Variants in PCOLCE2 observed in about 807,000 individuals in gnomAD.
PCOLCE2 encodes procollagen C-proteinase enhancer 2.
A neutral mutation model predicts 47.0 loss-of-function variants in PCOLCE2; 42 were observed. That is an observed-to-expected ratio of 0.89 (90% CI 0.70 to 1.16). PCOLCE2 has a LOEUF of 1.16. Among genes scored for constraint, PCOLCE2 ranks in the 50% most tolerant of loss-of-function variants. PCOLCE2 has a pLI of 0.00. For missense variants in PCOLCE2, 500 were observed against 526.1 expected (o/e 0.95, Z 0.49); for synonymous variants, 169 against 191.7 (o/e 0.88, Z 0.98).
intron 3 of PCOLCE2, among the ~76,000 whole-genome samples, chr3:142,847,958 G>A (rs1379426731): frequency 5.3e-5 from 8 of 152,244 alleles, no homozygotes; most frequent in Non-Finnish European, 1.2e-4. Context: ...TGGTGAAGGG[G>A]TGTGTTTGCA....
intron 2 of PCOLCE2, chr3:142,864,312 C>T (rs1169634372): frequency 6.6e-6 from 1 of 152,124 alleles, no homozygotes; most frequent in Admixed American, 6.5e-5. Context: ...TTTTTCAATT[C>T]AAGGAGAAGC....
intron 2 of PCOLCE2, among the ~76,000 whole-genome samples, chr3:142,878,184 TG>T (rs1002480461): frequency 3.3e-5 from 5 of 152,182 alleles, no homozygotes; most frequent in Middle Eastern, 3.4e-3. Context: ...AGGAGCAGCT[TG>T]GGGGTGAGGT....
chr3:142,876,892 A>G (rs1933506826), intron 2 of PCOLCE2, among the ~76,000 whole-genome samples: 1 of 152,212 alleles, frequency 6.6e-6, no homozygotes, highest in Non-Finnish European at 1.5e-5. Context: ...AGAAAAAGGC[A>G]TGAATACCAG....
At position 142,823,480 on chromosome 3, in the gene PCOLCE2, T is replaced by C. The variant is rs531251987; in HGVS notation, c.949+52A>G. On this transcript the variant is annotated intron_variant, in intron 7 of 8. Transcript: ENST00000295992. ...ATAGGAATTCCTTTGAGATTAAGCATGCAGCCTCAAGTTTCTGGTTAAAGA... is the reference window on the plus strand; with the variant it reads ...ATAGGAATTCCTTTGAGATTAAGCACGCAGCCTCAAGTTTCTGGTTAAAGA... 2.7e-5 allele frequency: 28 copies of C among 1,044,846 alleles called. No individual in the cohort carries two copies. The South Asian group carries it at 3.3e-4, about 12-fold the overall frequency. 64.7% of individuals were successfully genotyped at this position (1,044,846 alleles called of 1,614,324 possible). A position where few individuals can be genotyped will look rare whatever the true frequency, so the allele number is the denominator to read the frequency against.
At chr3:142,822,389 A>G (rs758633822) in intron 7 of PCOLCE2, among the ~76,000 whole-genome samples, 6 of 152,102 alleles carry the variant, frequency 3.9e-5, no homozygotes, top group Non-Finnish European at 5.9e-5. Flanking sequence ...TTTGCCATGT[A>G]AGCGGTCACA....
chr3:142,846,260 G>A (rs914449088), intron 3 of PCOLCE2, among the ~76,000 whole-genome samples: 11 of 152,096 alleles, frequency 7.2e-5, no homozygotes, highest in Admixed American at 3.3e-4. Flanking sequence ...GGGCAGTGGC[G>A]CAATCTCGGC....
chr3:142,837,485 C>A (rs1937216513), intron 5 of PCOLCE2, among the ~76,000 whole-genome samples: 2 of 152,062 alleles, frequency 1.3e-5, no homozygotes, highest in South Asian at 4.1e-4. Context: ...AAAATACCCT[C>A]CTTTAACTCA....
chr3:142,861,904 A>T (rs1019448913), intron 2 of PCOLCE2, among the ~76,000 whole-genome samples: 1 of 152,192 alleles, frequency 6.6e-6, no homozygotes, highest in Non-Finnish European at 1.5e-5. Context: ...ATTTTCTCTA[A>T]GATTGTTCCA....
intron 2 of PCOLCE2, among the ~76,000 whole-genome samples, chr3:142,857,636 G>A (rs1312288571): frequency 6.6e-6 from 1 of 152,202 alleles, no homozygotes; most frequent in African/African-American, 2.4e-5. Context: ...GTGATGCCCT[G>A]GATGACAGGT....
chr3:142,839,443 G>A (rs1937240964), intron 4 of PCOLCE2, among the ~76,000 whole-genome samples: 1 of 152,004 alleles, frequency 6.6e-6, no homozygotes. Flanking sequence ...CTCCTGAGTA[G>A]CTGGAGTTTC....
intron 2 of PCOLCE2, among the ~76,000 whole-genome samples, chr3:142,869,539 G>A (rs1435798357): frequency 6.6e-6 from 1 of 152,046 alleles, no homozygotes; most frequent in Non-Finnish European, 1.5e-5. Context: ...TAAGAGTCTG[G>A]CACCTTTTGA....
intron 2 of PCOLCE2, among the ~76,000 whole-genome samples, chr3:142,854,528 C>A (rs374776178): frequency 1.3e-5 from 2 of 152,178 alleles, no homozygotes; most frequent in East Asian, 3.8e-4. Context: ...AAAGGTAAAT[C>A]TTATACATGT....
chr3:142,836,984 T>TGCA (rs1275995857), intron 5 of PCOLCE2, among the ~76,000 whole-genome samples: 1 of 152,214 alleles, frequency 6.6e-6, no homozygotes, highest in Non-Finnish European at 1.5e-5. Flanking sequence ...TTTGCAGATG[T>TGCA]GAGTAAGACT....
intron 2 of PCOLCE2, among the ~76,000 whole-genome samples, chr3:142,868,705 C>T (rs570174953): frequency 1.1e-4 from 17 of 152,278 alleles, no homozygotes; most frequent in African/African-American, 2.6e-4. Flanking sequence ...TTAGCCTGTG[C>T]GGTCTAACCC....
intron 6 of PCOLCE2, chr3:142,827,548 C>T: frequency 6.8e-7 from 1 of 1,476,354 alleles, no homozygotes; most frequent in South Asian, 1.1e-5. Flanking sequence ...TACCCTCAGG[C>T]ATGGTGCCCA....
intron 5 of PCOLCE2, among the ~76,000 whole-genome samples, chr3:142,835,260 T>G (rs143261050): frequency 6.6e-6 from 1 of 152,210 alleles, no homozygotes; most frequent in African/African-American, 2.4e-5. Flanking sequence ...AATAATCTTA[T>G]GTACAAGTTT....
intron 2 of PCOLCE2, among the ~76,000 whole-genome samples, chr3:142,886,027 G>C (rs1276093594): frequency 1.3e-5 from 2 of 152,166 alleles, no homozygotes; most frequent in South Asian, 2.1e-4. Flanking sequence ...GTTTAAAGGA[G>C]GTAGATCCTG....
intron 2 of PCOLCE2, among the ~76,000 whole-genome samples, chr3:142,854,300 A>G (rs1332512947): frequency 4.6e-5 from 7 of 151,968 alleles, no homozygotes; most frequent in Non-Finnish European, 8.8e-5. Context: ...AATGCAGACC[A>G]CAGTTGATCT....
intron 3 of PCOLCE2, 26 bp from the exon 4 acceptor site, chr3:142,843,074 G>T: frequency 6.2e-7 from 1 of 1,608,222 alleles, no homozygotes; most frequent in Non-Finnish European, 8.5e-7. Context: ...AAGGAAAAAA[G>T]CCCACAAGTT....
Sources: gnomAD v4.1 joint callset for allele counts (sites outside exome capture counted in the v4.1 genomes callset) on GRCh38, gnomAD v4.1.1 for gene constraint, MANE v1.5 for transcripts, NCBI Gene and HGNC (gene_info 2026-07-23, HGNC 2026-07-21) for gene names.